The following CLVS1 variants were observed in gnomAD, a reference collection of about 807,000 sequenced individuals.
CLVS1 encodes the protein clavesin 1.
A neutral mutation model predicts 33.1 loss-of-function variants in CLVS1; 10 were observed. That is an observed-to-expected ratio of 0.30 (90% CI 0.19 to 0.51). The LOEUF is 0.51. Ranked by LOEUF, CLVS1 falls within the 20% of genes least tolerant of loss-of-function variation. The pLI is 0.97. For missense variants in CLVS1, 343 were observed against 433.4 expected (o/e 0.79, Z 1.85); for synonymous variants, 163 against 166.1 (o/e 0.98, Z 0.14).
chr8:61,003,346 GAAC>G, the CLVS1 span, among the ~76,000 whole-genome samples: 1 of 152,192 alleles, frequency 6.6e-6, no homozygotes, highest in African/African-American at 2.4e-5. Flanking sequence ...ATTTTTCTCA[GAAC>G]AACACAGGGG....
intron 1 of CLVS1, among the ~76,000 whole-genome samples, chr8:61,085,541 A>G (rs11987923): frequency 0.16 from 24,030 of 152,126 alleles, 2,017 homozygotes; most frequent in Middle Eastern, 0.3. Flanking sequence ...AAGTTCAGGC[A>G]GTTGCACATT....
At chr8:61,005,257 C>T in the CLVS1 span, among the ~76,000 whole-genome samples, 1 of 152,154 alleles carries the variant, frequency 6.6e-6, no homozygotes, top group Non-Finnish European at 1.5e-5. Flanking sequence ...CTGTCAGTCT[C>T]AAAATTGATA....
intron 1 of CLVS1, among the ~76,000 whole-genome samples, chr8:61,104,927 C>CGG (rs1176568995): frequency 6.6e-6 from 1 of 152,166 alleles, no homozygotes; most frequent in Non-Finnish European, 1.5e-5. Flanking sequence ...CTCCTGGGTT[C>CGG]AAGCAATTCT....
chr8:61,455,282 A>G (rs1037339301), intron 4 of CLVS1, among the ~76,000 whole-genome samples: 3 of 152,064 alleles, frequency 2.0e-5, no homozygotes, highest in African/African-American at 7.2e-5. Flanking sequence ...TACAGTATCC[A>G]TACTGTACAT....
intron 3 of CLVS1, among the ~76,000 whole-genome samples, chr8:61,392,978 G>T (rs2129602960): frequency 6.6e-6 from 1 of 152,058 alleles, no homozygotes; most frequent in East Asian, 1.9e-4. Flanking sequence ...CCGCCTCCTG[G>T]GTTCAAGCGA....
intron 2 of CLVS1, among the ~76,000 whole-genome samples, chr8:61,334,061 A>G (rs1256213782): frequency 1.3e-5 from 2 of 152,208 alleles, no homozygotes; most frequent in African/African-American, 4.8e-5. Flanking sequence ...GTAGTATTCC[A>G]TAGTGTATAT....
chr8:61,093,765 A>T (rs1165027060), intron 1 of CLVS1, among the ~76,000 whole-genome samples: 1 of 152,192 alleles, frequency 6.6e-6, no homozygotes, highest in Non-Finnish European at 1.5e-5. Flanking sequence ...CACTGCATTT[A>T]TGTGTGCGTC....
chr8:61,397,025 G>A (rs1395486418), intron 3 of CLVS1, among the ~76,000 whole-genome samples: 2 of 152,024 alleles, frequency 1.3e-5, no homozygotes, highest in Non-Finnish European at 2.9e-5. Context: ...ATAGACATTT[G>A]TTTTCATTTT....
chr8:61,396,088 C>T (rs1814518130), intron 3 of CLVS1, among the ~76,000 whole-genome samples: 2 of 152,090 alleles, frequency 1.3e-5, no homozygotes, highest in African/African-American at 4.8e-5. Context: ...TGGTGATCTT[C>T]CTTAATATTT....
chr8:60,979,097 A>G, the CLVS1 span, among the ~76,000 whole-genome samples: 2 of 152,210 alleles, frequency 1.3e-5, no homozygotes, highest in African/African-American at 4.8e-5. Context: ...AAAGAACATA[A>G]CAGAGTGGAG....
intron 1 of CLVS1, among the ~76,000 whole-genome samples, chr8:61,095,687 G>T (rs1310689807): frequency 6.6e-6 from 1 of 152,162 alleles, no homozygotes; most frequent in East Asian, 1.9e-4. Context: ...CTATGGTAGG[G>T]TTTCACATCA....
chr8:61,107,167 T>C (rs1585614703), intron 1 of CLVS1, among the ~76,000 whole-genome samples: 1 of 152,178 alleles, frequency 6.6e-6, no homozygotes, highest in African/African-American at 2.4e-5. Context: ...ACTATAAGGA[T>C]TGGTTTGCGA....
At chr8:60,986,762 T>A in the CLVS1 span, among the ~76,000 whole-genome samples, 2 of 152,224 alleles carry the variant, frequency 1.3e-5, no homozygotes, top group Non-Finnish European at 2.9e-5. Flanking sequence ...GAACTGCTTA[T>A]CCTCCATCAA....
rs920679969 is a variant in CLVS1, at chr8:61,223,304, A to T, written c.-151-76373A>T. Reference sequence around the variant, plus strand: ...TCTTTATATTTTGGTGTGTTTTTGCAGTGTCTGGTACCGGTTTTTCTTTTC... The same window carrying T: ...TCTTTATATTTTGGTGTGTTTTTGCTGTGTCTGGTACCGGTTTTTCTTTTC... On this transcript the variant is annotated intron_variant, in intron 2 of 2. Transcript: ENST00000522621. Among the ~76,000 whole-genome samples the T allele has an allele frequency of 2.0e-5, 3 of 152,032 alleles. No individual in the cohort carries two copies. In the East Asian group the frequency reaches 5.8e-4, roughly 29 times the overall value.
At chr8:61,462,706 TTAAAA>T (rs1817410517) in intron 5 of CLVS1, among the ~76,000 whole-genome samples, 3 of 152,200 alleles carry the variant, frequency 2.0e-5, no homozygotes, top group African/African-American at 7.2e-5. Flanking sequence ...GTCAGTAGAC[TTAAAA>T]TACTCTGTAA....
chr8:61,218,774 A>G (rs1423521464), intron 2 of CLVS1, among the ~76,000 whole-genome samples: 2 of 107,088 alleles, frequency 1.9e-5, no homozygotes, highest in African/African-American at 9.9e-5. Context: ...ATCTCTAGTA[A>G]AAATACAAAA....
chr8:61,461,329 C>T (rs1817358697), intron 5 of CLVS1, among the ~76,000 whole-genome samples: 1 of 152,154 alleles, frequency 6.6e-6, no homozygotes, highest in African/African-American at 2.4e-5. Flanking sequence ...TTTACTCAAC[C>T]TTCACCATAA....
chr8:61,373,290 T>C (rs1039193468), intron 2 of CLVS1, among the ~76,000 whole-genome samples: 2 of 152,198 alleles, frequency 1.3e-5, no homozygotes, highest in Admixed American at 6.5e-5. Flanking sequence ...ACACAGTCCG[T>C]GCAACTCTTT....
At chr8:61,346,830 G>A (rs1404402959) in intron 2 of CLVS1, among the ~76,000 whole-genome samples, 2 of 152,148 alleles carry the variant, frequency 1.3e-5, no homozygotes, top group Admixed American at 6.5e-5. Context: ...AATGTTCAGA[G>A]AGAACAGGGT....
Sources: allele counts gnomAD v4.1 joint callset (sites outside exome capture counted in the v4.1 genomes callset), GRCh38; gene constraint gnomAD v4.1.1; transcripts MANE v1.5; gene names NCBI Gene and HGNC (gene_info 2026-07-23, HGNC 2026-07-21).